Variants in XIRP2 observed in about 807,000 individuals in gnomAD.
XIRP2 encodes xin actin-binding repeat-containing protein 2.
A neutral mutation model predicts 277.0 loss-of-function variants in XIRP2; 236 were observed. That is an observed-to-expected ratio of 0.85 (90% CI 0.77 to 0.95). The LOEUF (loss-of-function observed/expected upper bound fraction) is 0.95. Ranked by LOEUF, XIRP2 falls within the 40% of genes least tolerant of loss-of-function variation. XIRP2 has a pLI of 0.00. For missense variants in XIRP2, 4,640 were observed against 4,157.5 expected, an observed-to-expected ratio of 1.12 and a Z score of -3.19; for synonymous variants, 1,490 against 1,416.5, an observed-to-expected ratio of 1.05 and a Z score of -1.17.
At chr2:167,060,100 C>A (rs1267080678) in intron 2 of XIRP2, among the ~76,000 whole-genome samples, 1 of 152,068 alleles carries the variant, frequency 6.6e-6, no homozygotes, top group Non-Finnish European at 1.5e-5. Flanking sequence ...AAATTCTGCC[C>A]AAATTCCAGA....
chr2:167,184,474 T>G (rs1693100417), intron 3 of XIRP2: 2 of 675,878 alleles, frequency 3.0e-6, no homozygotes, highest in Non-Finnish European at 5.4e-6. Context: ...GATCCCTCGC[T>G]TCTTCAGTTT....
At chr2:166,912,972 C>T (rs1684753819) in intron 2 of XIRP2, among the ~76,000 whole-genome samples, 1 of 152,184 alleles carries the variant, frequency 6.6e-6, no homozygotes, top group South Asian at 2.1e-4. Flanking sequence ...GAAGCTTCGT[C>T]TCAGAGGGTT....
intron 1 of XIRP2, among the ~76,000 whole-genome samples, chr2:166,896,589 G>A (rs936701895): frequency 6.6e-6 from 1 of 151,498 alleles, no homozygotes; most frequent in South Asian, 2.1e-4. Context: ...GTGTTATTAA[G>A]AAAGAGTCAA....
chr2:167,226,476 T>C (rs964611611), intron 5 of XIRP2, among the ~76,000 whole-genome samples: 2 of 152,142 alleles, frequency 1.3e-5, no homozygotes, highest in Non-Finnish European at 2.9e-5. Context: ...AGTTATGAAG[T>C]AAATTAACTG....
chr2:166,970,034 T>C (rs936238819), intron 2 of XIRP2, among the ~76,000 whole-genome samples: 1 of 152,038 alleles, frequency 6.6e-6, no homozygotes, highest in Non-Finnish European at 1.5e-5. Context: ...AGGGAACCAA[T>C]CTGCCCACAT....
intron 2 of XIRP2, among the ~76,000 whole-genome samples, chr2:167,022,678 C>A (rs1688018591): frequency 6.6e-6 from 1 of 151,910 alleles, no homozygotes; most frequent in Non-Finnish European, 1.5e-5. Context: ...CAATTCCCAC[C>A]TATGAGTGAG....
intron 2 of XIRP2, among the ~76,000 whole-genome samples, chr2:166,928,074 G>A (rs1034918448): frequency 3.9e-5 from 6 of 152,224 alleles, no homozygotes; most frequent in African/African-American, 1.4e-4. Flanking sequence ...AGAAGAACCA[G>A]CTCAAAGAGT....
At chr2:167,235,058 T>C (rs1183063031) in intron 5 of XIRP2, among the ~76,000 whole-genome samples, 2 of 151,910 alleles carry the variant, frequency 1.3e-5, no homozygotes, top group African/African-American at 4.8e-5. Context: ...TTGCTCTCTT[T>C]GTACACAGAT....
intron 2 of XIRP2, among the ~76,000 whole-genome samples, chr2:167,113,950 A>T (rs930443927): frequency 2.0e-5 from 3 of 152,180 alleles, no homozygotes; most frequent in African/African-American, 7.2e-5. Flanking sequence ...TTCTTTAAGA[A>T]TGCTGAATAT....
At chr2:166,997,231 T>C (rs1687244968) in intron 2 of XIRP2, among the ~76,000 whole-genome samples, 1 of 152,226 alleles carries the variant, frequency 6.6e-6, no homozygotes, top group Non-Finnish European at 1.5e-5. Flanking sequence ...TATTCTTTAC[T>C]ACATTCTTAA....
chr2:167,228,269 G>C (rs1694662902), intron 5 of XIRP2, among the ~76,000 whole-genome samples: 1 of 152,150 alleles, frequency 6.6e-6, no homozygotes, highest in Admixed American at 6.6e-5. Flanking sequence ...TGATCATAAA[G>C]TTTCAGTCAC....
At chr2:167,193,770 C>T (rs893873238) in intron 3 of XIRP2, among the ~76,000 whole-genome samples, 10 of 149,566 alleles carry the variant, frequency 6.7e-5, no homozygotes, top group African/African-American at 2.5e-4. Context: ...CCCAGCTACT[C>T]GGGTGGCTGA....
intron 3 of XIRP2, among the ~76,000 whole-genome samples, chr2:167,197,787 C>T (rs1320396241): frequency 6.6e-6 from 1 of 152,034 alleles, no homozygotes; most frequent in Non-Finnish European, 1.5e-5. Flanking sequence ...TCCCAACTTT[C>T]CTCCCCTTAT....
At chr2:167,112,677 A>C (rs1690793069) in intron 2 of XIRP2, among the ~76,000 whole-genome samples, 1 of 151,518 alleles carries the variant, frequency 6.6e-6, no homozygotes, top group African/African-American at 2.4e-5. Context: ...TTTGAAACAG[A>C]GTTTCACTCT....
rs752010095 is a variant in XIRP2 at position 167,243,827 on chromosome 2, T to C, written c.2435T>C (p.Phe812Ser). 4 of 1,613,998 alleles carry C rather than the reference T, an allele frequency of 2.5e-6. No homozygotes were observed. The highest frequency in any genetic ancestry group is 2.2e-5 in the East Asian group (1 of 44,848). The change falls in exon 9 of 11, where the codon TTT (phenylalanine) becomes TCT (serine). Residue 812 changes from phenylalanine to serine, a missense_variant. Coordinates refer to ENST00000409195, the MANE Select transcript of XIRP2 (RefSeq NM_152381.6). ...GGGGTGAGTAAGGCAAAGTGGTTAT[T>C]TGAAACCCAACCTTTGGAGAAAATC... Reference protein sequence around the residue: ...KGGVSKAKWLFETQPLEKIKE... With the variant: ...KGGVSKAKWLSETQPLEKIKE...
At chr2:167,062,073 A>G (rs1689186220) in intron 2 of XIRP2, among the ~76,000 whole-genome samples, 1 of 152,080 alleles carries the variant, frequency 6.6e-6, no homozygotes, top group South Asian at 2.1e-4. Context: ...TCCTGCCTCT[A>G]TTGGGAGGAT....
intron 2 of XIRP2, among the ~76,000 whole-genome samples, chr2:167,068,270 C>T (rs549384225): frequency 6.6e-5 from 10 of 152,278 alleles, no homozygotes; most frequent in African/African-American, 2.4e-4. Context: ...AACAAACACA[C>T]ACAACTCTAT....
chr2:167,142,727 G>T (rs1691756146), intron 3 of XIRP2, among the ~76,000 whole-genome samples: 1 of 152,168 alleles, frequency 6.6e-6, no homozygotes, highest in Non-Finnish European at 1.5e-5. Context: ...TCATGTGACT[G>T]TCAATGCTCC....
In XIRP2 at chr2:166,929,273, T is replaced by A. The variant is rs533873549; in HGVS notation, c.408+25383T>A. ...CAGATATGTTTTCCACTTGAACATA[T>A]CACCTTGAGAAATGAGAGCTATGGT... On this transcript the variant is annotated intron_variant, in intron 2 of 10. Transcript: ENST00000409195. 4.6e-5 allele frequency among the ~76,000 whole-genome samples: 7 copies of A among 152,230 alleles called. 1 individual carries two copies. In the East Asian group the frequency reaches 7.7e-4, roughly 17 times the overall value.
Sources: allele counts gnomAD v4.1 joint callset (sites outside exome capture counted in the v4.1 genomes callset), GRCh38; gene constraint gnomAD v4.1.1; transcripts MANE v1.5; gene names NCBI Gene and HGNC (gene_info 2026-07-23, HGNC 2026-07-21).